ANKRD42: variants seen among roughly 807,000 people sequenced by gnomAD.
ANKRD42 encodes ankyrin repeat domain 42, also known as ankyrin repeat domain-containing protein 42.
A neutral mutation model predicts 51.5 loss-of-function variants in ANKRD42; 43 were observed. That is an observed-to-expected ratio of 0.83 (90% CI 0.65 to 1.08). The LOEUF (loss-of-function observed/expected upper bound fraction) is 1.08. ANKRD42 is among the 50% of genes least tolerant of loss of function. The pLI is 0.00. For synonymous variants in ANKRD42, 203 were observed against 213.0 expected (o/e 0.95, Z 0.41); for missense variants, 608 against 629.3 (o/e 0.97, Z 0.36).
downstream of ANKRD42, chr11:83,261,791 G>T: frequency 1.4e-6 from 1 of 690,846 alleles, no homozygotes. Context: ...CTTTTAGTCC[G>T]TATACACTTC....
rs11403803 is a variant in ANKRD42, at chr11:83,228,231, CTTTTTTTTTTTTT to C, written c.913+385_913+397del. ...AAATAGAAATCATCCCTCTCTCTCTCTTTTTTTTTTTTTTTTTTTTTTTTTTTTTTTTTTTTTT... is the reference window on the plus strand; with the variant it reads ...AAATAGAAATCATCCCTCTCTCTCTCTTTTTTTTTTTTTTTTTTTTTTTTT... On this transcript the variant is annotated intron_variant, in intron 7 of 10. Coordinates refer to ENST00000533342, the MANE Select transcript of ANKRD42 (RefSeq NM_001300975.2). 4.7e-3 allele frequency among the ~76,000 whole-genome samples: 279 copies of C among 59,018 alleles called. 12 individuals are homozygous for C. Among genetic ancestry groups the C allele is most frequent in the Non-Finnish European group, 5.1e-3 (156 of 30,780 alleles). 38.7% of individuals were successfully genotyped at this position (59,018 alleles called of 152,430 possible).
downstream of ANKRD42, chr11:83,260,804 T>A (rs1227886739): frequency 1.3e-5 from 2 of 152,168 alleles, no homozygotes; most frequent in African/African-American, 4.8e-5. Flanking sequence ...AGATATTACT[T>A]TGTAAGAAAA....
intron 10 of ANKRD42, among the ~76,000 whole-genome samples, chr11:83,247,538 GC>G (rs1004828301): frequency 6.6e-6 from 1 of 152,124 alleles, no homozygotes; most frequent in African/African-American, 2.4e-5. Flanking sequence ...TGGCTTAGAA[GC>G]CCCCTTCTCA....
At chr11:83,223,228 C>T (rs1862768963) in intron 5 of ANKRD42, among the ~76,000 whole-genome samples, 1 of 152,120 alleles carries the variant, frequency 6.6e-6, no homozygotes, top group Non-Finnish European at 1.5e-5. Flanking sequence ...CCAGCCTGTG[C>T]AACAGAGCAA....
At chr11:83,208,143 C>A (rs1862151856) in intron 3 of ANKRD42, among the ~76,000 whole-genome samples, 1 of 152,168 alleles carries the variant, frequency 6.6e-6, no homozygotes, top group Non-Finnish European at 1.5e-5. Context: ...CCCACCTCAG[C>A]CTCCCAAGTA....
rs1863616429 is a variant in ANKRD42, at chr11:83,248,738, G to A, written c.*534G>A. The stretch of plus-strand genomic sequence containing the variant: ...AATATTAAAATAATAAAACATGTTT[G>A]TTGTATAGTGTTAAAAACAAGATAG... On this transcript the variant is annotated 3_prime_UTR_variant, in exon 11 of 11. Coordinates refer to ENST00000533342, the MANE Select transcript of ANKRD42 (RefSeq NM_001300975.2). 1 of 975,556 alleles carries A rather than the reference G, an allele frequency of 1.0e-6. No individual in the cohort carries two copies. The highest frequency in any genetic ancestry group is 6.2e-5 in the Admixed American group (1 of 16,258). 60.4% of individuals were successfully genotyped at this position (975,556 alleles called of 1,614,324 possible).
intron 10 of ANKRD42, among the ~76,000 whole-genome samples, chr11:83,246,544 G>A (rs1863548152): frequency 6.6e-6 from 1 of 152,182 alleles, no homozygotes; most frequent in Non-Finnish European, 1.5e-5. Context: ...TTCCAGAATG[G>A]ACAGGGAGCA....
At chr11:83,217,049 C>T (rs1862563929) in intron 5 of ANKRD42, among the ~76,000 whole-genome samples, 1 of 152,104 alleles carries the variant, frequency 6.6e-6, no homozygotes, top group African/African-American at 2.4e-5. Context: ...GTGAGTTGAG[C>T]TCATTTGAGG....
At chr11:83,203,539 A>T (rs1457952050) in intron 2 of ANKRD42, among the ~76,000 whole-genome samples, 1 of 151,182 alleles carries the variant, frequency 6.6e-6, no homozygotes, top group South Asian at 2.1e-4. Context: ...GACTACAGGC[A>T]TGTGCCACCA....
intron 7 of ANKRD42, among the ~76,000 whole-genome samples, chr11:83,232,916 C>T (rs548990141): frequency 2.6e-5 from 4 of 152,200 alleles, no homozygotes; most frequent in South Asian, 2.1e-4. Flanking sequence ...ATCGGTGTAT[C>T]GCAGAGGTAA....
rs1189907286 is a variant in ANKRD42, at chr11:83,193,994, T to G, written c.-677T>G. The G allele has an allele frequency of 2.2e-6, 1 of 456,502 alleles. No homozygotes were observed. Among genetic ancestry groups the G allele is most frequent in the Non-Finnish European group, 4.4e-6 (1 of 226,798 alleles). The allele number at this position is 456,502 out of a possible 1,614,324, so 28.3% of individuals were successfully genotyped here. A position where few individuals can be genotyped will look rare whatever the true frequency, so the allele number is the denominator to read the frequency against. ...CGCTCCAGGGTCGCTGCAGGAAGCCTAAGTGCAGACGCCGGCTTCTCCCGC... is the reference window on the plus strand; with the variant it reads ...CGCTCCAGGGTCGCTGCAGGAAGCCGAAGTGCAGACGCCGGCTTCTCCCGC... On this transcript the variant is annotated 5_prime_UTR_variant, in exon 1 of 11. Coordinates refer to ENST00000533342, the MANE Select transcript of ANKRD42 (RefSeq NM_001300975.2).
chr11:83,248,410 T>C lies in ANKRD42; in HGVS notation c.*206T>C. The C allele has an allele frequency of 7.9e-7, 1 of 1,269,984 alleles. No individual in the cohort carries two copies. Among genetic ancestry groups the C allele is most frequent in the Non-Finnish European group, 9.9e-7 (1 of 1,012,838 alleles). The allele number at this position is 1,269,984 out of a possible 1,614,324, so 78.7% of individuals were successfully genotyped here. A position where few individuals can be genotyped will look rare whatever the true frequency, so the allele number is the denominator to read the frequency against. On this transcript the variant is annotated 3_prime_UTR_variant, in exon 11 of 11. Coordinates refer to ENST00000533342, the MANE Select transcript of ANKRD42 (RefSeq NM_001300975.2). Reference sequence around the variant, plus strand: ...TATCTTCAAACAGCAGCCTAGTTCATAAGTATTATTGTTAACATTGTACCA... The same window carrying C: ...TATCTTCAAACAGCAGCCTAGTTCACAAGTATTATTGTTAACATTGTACCA...
At chr11:83,252,887 T>C (rs1486273325), downstream of ANKRD42, among the ~76,000 whole-genome samples, 1 of 152,018 alleles carries the variant, frequency 6.6e-6, no homozygotes, top group African/African-American at 2.4e-5. Flanking sequence ...TTAAATATAA[T>C]GTAATAGCTT....
intron 5 of ANKRD42, 49 bp downstream of exon 5, chr11:83,211,479 T>C (rs751907301): frequency 2.0e-5 from 31 of 1,586,372 alleles, no homozygotes; most frequent in Admixed American, 6.8e-5. Flanking sequence ...TGTAAACTTT[T>C]AAATGTTTGA....
At chr11:83,238,951 G>A (rs1002974264) in intron 8 of ANKRD42, among the ~76,000 whole-genome samples, 25 of 151,958 alleles carry the variant, frequency 1.6e-4, no homozygotes, top group Non-Finnish European at 2.9e-4. Context: ...AGAGGTTGTG[G>A]TGAGCCTAGA....
At chr11:83,213,064 C>T (rs1565182440) in intron 5 of ANKRD42, 2 of 1,600,284 alleles carry the variant, frequency 1.2e-6, no homozygotes, top group Non-Finnish European at 1.7e-6. Context: ...CTAAGAAGTT[C>T]TTCCGGCACC....
At position 83,248,043 on chromosome 11, in the gene ANKRD42, AG is replaced by A. The variant is rs1863595691; in HGVS notation, c.1426del (p.Glu476LysfsTer45). On this transcript the variant is annotated frameshift_variant, in exon 11 of 11. Transcript: ENST00000533342. LOFTEE classifies it low-confidence loss of function (END_TRUNC). ...ATATCGAGCAGAAGTTGATCAACTC[AG>A]GGAAACACTGGAAAAAATTCAAGTC... ...DEYRAEVDQL[R>X]ETLEKIQVPN... The A allele has an allele frequency of 6.2e-7, 1 of 1,604,762 alleles. No individual in the cohort carries two copies. The highest frequency in any genetic ancestry group is 1.7e-5 in the Admixed American group (1 of 58,804).
intron 5 of ANKRD42, among the ~76,000 whole-genome samples, chr11:83,215,887 C>A (rs1449453972): frequency 1.3e-5 from 2 of 152,228 alleles, no homozygotes; most frequent in African/African-American, 2.4e-5. Context: ...CATTCTCCTC[C>A]TGGGTTCAAG....
At chr11:83,255,867 C>T in exon 12 of ANKRD42, 1 of 1,532,854 alleles carries the variant, frequency 6.5e-7, no homozygotes, top group Non-Finnish European at 8.7e-7. Flanking sequence ...TCTTGTGAGT[C>T]AAACAAAGAG....
Sources: allele counts gnomAD v4.1 joint callset (sites outside exome capture counted in the v4.1 genomes callset), GRCh38; gene constraint gnomAD v4.1.1; transcripts MANE v1.5; gene names NCBI Gene and HGNC (gene_info 2026-07-23, HGNC 2026-07-21).